The following COQ9 variants were observed in gnomAD, a reference collection of about 807,000 sequenced individuals.
The protein encoded by COQ9 is coenzyme Q9.
Under a neutral mutation model 42.4 loss-of-function variants are expected in COQ9, and 35 were observed. The observed-to-expected ratio is 0.83, with a 90% CI of 0.63 to 1.10. The LOEUF (loss-of-function observed/expected upper bound fraction) is 1.10. Among genes scored for constraint, COQ9 ranks in the 50% least tolerant of loss-of-function variants. The pLI, the probability that COQ9 is intolerant of heterozygous loss-of-function variation, is 0.00. For missense variants in COQ9, 406 were observed against 414.6 expected (o/e 0.98, Z 0.18); for synonymous variants, 155 against 155.1 (o/e 1.00, Z 0.00).
At position 57,447,538 on chromosome 16, in the gene COQ9, C is replaced by G. The variant is rs765854135; in HGVS notation, c.33C>G (p.Gly11=). 5 of 1,305,094 alleles carry G rather than the reference C, an allele frequency of 3.8e-6. No homozygotes were observed. Among genetic ancestry groups the G allele is most frequent in the Non-Finnish European group, 4.9e-6 (5 of 1,021,498 alleles). The allele number at this position is 1,305,094 out of a possible 1,614,324, so 80.8% of individuals were successfully genotyped here. The part of the protein sequence containing the change: MAAAAVSGAL[G]RAGWRLLQLR... ...CGGCGGCGGTATCTGGTGCGCTTGG[C>G]CGGGCGGGCTGGAGGCTCCTGCAGC... The change falls in exon 1 of 9, where the codon GGC becomes GGG. Residue 11 remains glycine, a synonymous_variant. Transcript: ENST00000262507.
intron 1 of COQ9, chr16:57,450,776 T>C: frequency 3.7e-6 from 2 of 536,560 alleles, no homozygotes; most frequent in South Asian, 4.1e-5. Flanking sequence ...GGGGTGAAAT[T>C]GTTTGCCAGT....
chr16:57,450,408 C>T (rs1486473672), intron 1 of COQ9, among the ~76,000 whole-genome samples: 1 of 102,390 alleles, frequency 9.8e-6, no homozygotes, highest in Non-Finnish European at 1.9e-5. Context: ...GAGTGAGACT[C>T]TGACAAAAAA....
Position 57,447,566 on chromosome 16 carries a change from C to G in COQ9, c.61C>G (p.Arg21Gly), listed in dbSNP as rs907173773. 1 of 1,282,372 alleles carries G rather than the reference C, an allele frequency of 7.8e-7. No individual in the cohort carries two copies. 79.4% of individuals were successfully genotyped at this position (1,282,372 alleles called of 1,614,324 possible). A position where few individuals can be genotyped will look rare whatever the true frequency, so the allele number is the denominator to read the frequency against. ...GRAGWRLLQL[R>G]CLPVARCRQA... ...GGCGGGCTGGAGGCTCCTGCAGCTGCGATGCCTGCCCGGTGAGGGGGCTGC... is the reference window on the plus strand; with the variant it reads ...GGCGGGCTGGAGGCTCCTGCAGCTGGGATGCCTGCCCGGTGAGGGGGCTGC... Residue 21 changes from arginine (R) to glycine (G), a missense_variant, in exon 1 of 9, where the codon CGA becomes GGA. Coordinates refer to ENST00000262507, the MANE Select transcript of COQ9 (RefSeq NM_020312.4).
In COQ9 at chr16:57,459,625, A is replaced by G. The variant is rs1208218644; in HGVS notation, c.772A>G (p.Met258Val). 1 of 1,614,148 alleles carries G rather than the reference A, an allele frequency of 6.2e-7. No individual in the cohort carries two copies. The highest frequency in any genetic ancestry group is 1.7e-5 in the Admixed American group (1 of 60,032). Residue 258 changes from methionine to valine, a missense_variant, in exon 7 of 9, where the codon ATG becomes GTG. Transcript: ENST00000262507. ...CATCTACAACACAACAGAGCTGGTG[A>G]TGATGCAGGACTCCTCTCCAGACTT... Reference protein sequence around the residue: ...AAIYNTTELVMMQDSSPDFED... With the variant: ...AAIYNTTELVVMQDSSPDFED...
chr16:57,458,099 A>G (rs1215581982), intron 5 of COQ9, 147 bp from the exon 6 acceptor site: 2 of 696,412 alleles, frequency 2.9e-6, no homozygotes, highest in Non-Finnish European at 2.6e-6. Context: ...CTAGCTGCCC[A>G]CAACTCACGC....
intron 2 of COQ9, among the ~76,000 whole-genome samples, chr16:57,452,169 G>A (rs754329153): frequency 5.3e-5 from 8 of 152,208 alleles, no homozygotes; most frequent in Non-Finnish European, 7.3e-5. Flanking sequence ...TGCCCTCAGG[G>A]AGGTAGTCTG....
At chr16:57,453,322 A>T (rs974046967) in intron 3 of COQ9, 32 of 320,272 alleles carry the variant, frequency 1.0e-4, no homozygotes, top group African/African-American at 6.4e-4. Flanking sequence ...CTGATTTTTT[A>T]AAATGAAAAA....
At chr16:57,453,585 G>A (rs1408890240) in intron 3 of COQ9, 1 of 156,754 alleles carries the variant, frequency 6.4e-6, no homozygotes, top group Admixed American at 6.1e-5. Context: ...CAGGCTTGCT[G>A]CAGGGCATCT....
Position 57,460,082 on chromosome 16 carries a change from G to T in COQ9, c.899G>T (p.Gly300Val), listed in dbSNP as rs757724028. 3 of 1,614,010 alleles carry T rather than the reference G, an allele frequency of 1.9e-6. No individual in the cohort carries two copies. Among genetic ancestry groups the T allele is most frequent in the East Asian group, 4.5e-5 (2 of 44,898 alleles). ...VKSTGEALVQ[G>V]LMGAAVTLKN... is the part of the protein sequence containing the mutation. The stretch of plus-strand genomic sequence containing the variant: ...TCCACAGGAGAGGCACTGGTGCAAG[G>T]ACTCATGGGTGCAGCAGTGACGGTG... The change falls in exon 8 of 9, where the codon GGA becomes GTA. Residue 300 changes from glycine (G) to valine (V), a missense_variant. Physicochemically the swap from Gly to Val is moderately radical, Grantham distance 109 (BLOSUM62 -3). Transcript: ENST00000262507.
At chr16:57,456,256 T>C (rs2030399682) in intron 3 of COQ9, 2 of 508,674 alleles carry the variant, frequency 3.9e-6, no homozygotes, top group African/African-American at 3.9e-5. Flanking sequence ...AGAAGACCTG[T>C]TGATATGTTC....
In COQ9 at chr16:57,461,128, C is replaced by G. The variant is rs751291933; in HGVS notation, c.*504C>G. 1 of 455,308 alleles carries G rather than the reference C, an allele frequency of 2.2e-6. No homozygotes were observed. 28.2% of individuals were successfully genotyped at this position (455,308 alleles called of 1,614,324 possible). A position where few individuals can be genotyped will look rare whatever the true frequency, so the allele number is the denominator to read the frequency against. On this transcript the variant is annotated 3_prime_UTR_variant, in exon 9 of 9. Transcript: ENST00000262507. ...CTGAGATGCTGTTCCTGGGAGCCCC[C>G]TCAGAAAACTGCCTCACCTGAGACA... is the stretch of plus-strand genomic sequence containing the variant.
intron 3 of COQ9, chr16:57,454,301 C>T (rs1862251345): frequency 6.6e-6 from 1 of 152,144 alleles, no homozygotes; most frequent in African/African-American, 2.4e-5. Flanking sequence ...TTAAGTACAT[C>T]AGTAAAAAAA....
chr16:57,447,537 G>A lies in COQ9; in HGVS notation c.32G>A (p.Gly11Asp). The part of the protein sequence containing the change: MAAAAVSGAL[G>D]RAGWRLLQLR... ...GCGGCGGCGGTATCTGGTGCGCTTG[G>A]CCGGGCGGGCTGGAGGCTCCTGCAG... Residue 11 changes from glycine (G) to aspartate (D), a missense_variant, in exon 1 of 9, where the codon GGC becomes GAC. By Grantham distance (94) the Gly-to-Asp change is moderately conservative. Transcript: ENST00000262507. The A allele has an allele frequency of 7.6e-7, 1 of 1,309,846 alleles. No individual in the cohort carries two copies. The allele number at this position is 1,309,846 out of a possible 1,614,324, so 81.1% of individuals were successfully genotyped here.
At chr16:57,460,483 C>CA (rs2030509359) in intron 8 of COQ9, 106 bp from the exon 9 acceptor site, 1 of 1,170,908 alleles carries the variant, frequency 8.5e-7, no homozygotes, top group Non-Finnish European at 1.2e-6. Context: ...TGTCTCTATG[C>CA]AAAAAAGAAA....
chr16:57,454,370 G>A (rs1304973082), intron 3 of COQ9: 1 of 152,228 alleles, frequency 6.6e-6, no homozygotes, highest in Non-Finnish European at 1.5e-5. Flanking sequence ...TTAAAGGGTT[G>A]GAGGGCTGGG....
intron 1 of COQ9, among the ~76,000 whole-genome samples, chr16:57,448,344 C>CTTT (rs56261757): frequency 1.4e-5 from 2 of 141,212 alleles, no homozygotes; most frequent in Admixed American, 7.1e-5. Context: ...TCTTTTTTTT[C>CTTT]TTTTTTTTTT....
intron 3 of COQ9, 36 bp downstream of exon 3, chr16:57,452,972 AT>A (rs772105026): frequency 6.2e-7 from 1 of 1,612,430 alleles, no homozygotes; most frequent in East Asian, 2.2e-5. Flanking sequence ...CCTAACCAAG[AT>A]GAGCCAGGAT....
At chr16:57,458,103 C>A in intron 5 of COQ9, 143 bp from the exon 6 acceptor site, 1 of 702,326 alleles carries the variant, frequency 1.4e-6, no homozygotes, top group Non-Finnish European at 2.6e-6. Context: ...CTGCCCACAA[C>A]TCACGCCAGT....
At chr16:57,457,176 C>G (rs1161103026) in intron 5 of COQ9, 161 bp downstream of exon 5, 1 of 709,832 alleles carries the variant, frequency 1.4e-6, no homozygotes, top group Admixed American at 2.0e-5. Context: ...GGGTTTCAAA[C>G]TTGGACATAC....
Sources: allele counts gnomAD v4.1 joint callset (sites outside exome capture counted in the v4.1 genomes callset), GRCh38; gene constraint gnomAD v4.1.1; transcripts MANE v1.5; gene names NCBI Gene and HGNC (gene_info 2026-07-23, HGNC 2026-07-21).